The following G3BP1 variants were observed in gnomAD, a reference collection of about 807,000 sequenced individuals.
G3BP1 encodes the protein G3BP stress granule assembly factor 1.
Under a neutral mutation model 58.6 loss-of-function variants are expected in G3BP1, and 35 were observed. That is an observed-to-expected ratio of 0.60 (90% CI 0.46 to 0.79). The LOEUF is 0.79. Ranked by LOEUF, G3BP1 falls within the 30% of genes least tolerant of loss-of-function variation. G3BP1 has a pLI of 0.00. For synonymous variants in G3BP1, 191 were observed against 195.4 expected (o/e 0.98, Z 0.19); for missense variants, 523 against 580.8 (o/e 0.90, Z 1.02).
At position 151,804,019 on chromosome 5, in the gene G3BP1, A is replaced by G; in HGVS notation, c.1329A>G (p.Arg443=). 3 of 1,613,280 alleles carry G rather than the reference A, an allele frequency of 1.9e-6. No homozygotes were observed. The highest frequency in any genetic ancestry group is 2.5e-6 in the Non-Finnish European group (3 of 1,179,660). The change falls in exon 12 of 12, where the codon AGA becomes AGG. Residue 443 remains arginine (R), a synonymous_variant. Coordinates refer to ENST00000356245, the MANE Select transcript of G3BP1 (RefSeq NM_005754.3). ...GPRGGLGGGM[R]GPPRGGMVQK... is the part of the protein sequence containing the mutation. Reference sequence around the variant, plus strand: ...GAGGTGGGCTGGGTGGTGGAATGAGAGGCCCTCCCCGTGGAGGCATGGTGC... The same window carrying G: ...GAGGTGGGCTGGGTGGTGGAATGAGGGGCCCTCCCCGTGGAGGCATGGTGC...
rs1429778385 is a variant in G3BP1 at position 151,806,035 on chromosome 5, C to T, written c.*1944C>T. ...CTTGGTGTTATCACATACTAGAGGA[C>T]ATTTGGAAATGTGTGAAATTTGGAA... On this transcript the variant is annotated 3_prime_UTR_variant, in exon 12 of 12. Transcript: ENST00000356245. 6.6e-6 allele frequency: 1 copy of T among 152,092 alleles called. No individual in the cohort carries two copies. Among genetic ancestry groups the T allele is most frequent in the Non-Finnish European group, 1.5e-5 (1 of 68,034 alleles). 9.4% of individuals were successfully genotyped at this position (152,092 alleles called of 1,614,324 possible).
intron 2 of G3BP1, among the ~76,000 whole-genome samples, chr5:151,788,842 A>G (rs931775002): frequency 2.0e-5 from 3 of 151,348 alleles, no homozygotes; most frequent in African/African-American, 7.3e-5. Flanking sequence ...CAGTGGCGCT[A>G]TCTCGGCTCA....
chr5:151,794,495 G>C (rs1318258516), intron 5 of G3BP1, among the ~76,000 whole-genome samples: 1 of 152,192 alleles, frequency 6.6e-6, no homozygotes, highest in Non-Finnish European at 1.5e-5. Context: ...AACTCACAGC[G>C]ACAGTAGTAG....
At chr5:151,792,000 T>C (rs1285162602) in intron 4 of G3BP1, 4 of 424,172 alleles carry the variant, frequency 9.4e-6, no homozygotes, top group Admixed American at 8.4e-5. Flanking sequence ...GGAGATTCTC[T>C]ATCTTTTTAT....
chr5:151,796,709 G>C (rs993606231), intron 6 of G3BP1, among the ~76,000 whole-genome samples: 1 of 152,004 alleles, frequency 6.6e-6, no homozygotes, highest in Non-Finnish European at 1.5e-5. Context: ...CATAAAATTT[G>C]CCATCTTAAC....
intron 2 of G3BP1, 51 bp from the exon 3 acceptor site, chr5:151,790,272 T>G: frequency 1.1e-6 from 1 of 943,714 alleles, no homozygotes; most frequent in East Asian, 2.8e-5. Flanking sequence ...ACGTGAAAAA[T>G]AAACTTAAGA....
chr5:151,795,539 A>T lies in G3BP1; in HGVS notation c.503A>T (p.Asp168Val). 1 of 1,607,002 alleles carries T rather than the reference A, an allele frequency of 6.2e-7. No individual in the cohort carries two copies. Among genetic ancestry groups the T allele is most frequent in the Non-Finnish European group, 8.5e-7 (1 of 1,173,878 alleles). Residue 168 changes from aspartate to valine, a missense_variant, in exon 6 of 12, where the codon GAT becomes GTT. Coordinates refer to ENST00000356245, the MANE Select transcript of G3BP1 (RefSeq NM_005754.3). ...ERQQTPEVVP[D>V]DSGTFYDQAV... is the part of the protein sequence containing the mutation. ...CAGCAAACACCTGAGGTGGTACCTGATGATTCTGGAACTTTCTATGATCAG... is the reference window on the plus strand; with the variant it reads ...CAGCAAACACCTGAGGTGGTACCTGTTGATTCTGGAACTTTCTATGATCAG...
chr5:151,785,442 T>TA (rs910562780), intron 1 of G3BP1, among the ~76,000 whole-genome samples: 41 of 151,706 alleles, frequency 2.7e-4, no homozygotes, highest in East Asian at 1.4e-3. Context: ...TACCCCTGTT[T>TA]AAAAAAAAAC....
chr5:151,788,697 T>A (rs940886020), intron 2 of G3BP1, among the ~76,000 whole-genome samples: 2 of 151,886 alleles, frequency 1.3e-5, no homozygotes, highest in Non-Finnish European at 2.9e-5. Flanking sequence ...CACTGCAGCC[T>A]CTGCCTCCCA....
chr5:151,804,000 G>A lies in G3BP1; in HGVS notation c.1310G>A (p.Gly437Glu). The A allele has an allele frequency of 6.2e-7, 1 of 1,613,786 alleles. No individual in the cohort carries two copies. Among genetic ancestry groups the A allele is most frequent in the Non-Finnish European group, 8.5e-7 (1 of 1,179,822 alleles). Residue 437 changes from glycine to glutamate, a missense_variant, in exon 12 of 12, where the codon GGG becomes GAG. By Grantham distance (98) the Gly-to-Glu change is moderately conservative (BLOSUM62 -2). Around this residue, in one of 2 missense-constraint regions of G3BP1, gnomAD observed 125 missense variants for 181.7 expected, o/e 0.69. Coordinates refer to ENST00000356245, the MANE Select transcript of G3BP1 (RefSeq NM_005754.3). ...RLRGPGGPRG[G>E]LGGGMRGPPR... ...CGGGGACCTGGAGGCCCTCGAGGTG[G>A]GCTGGGTGGTGGAATGAGAGGCCCT...
chr5:151,787,047 CG>C (rs1254381488), intron 2 of G3BP1: 3 of 152,356 alleles, frequency 2.0e-5, no homozygotes, highest in African/African-American at 7.7e-5. Flanking sequence ...TAAGTAGAGA[CG>C]GGGTTTCACC....
In G3BP1 at chr5:151,795,501, A is replaced by C. The variant is rs1442653715; in HGVS notation, c.465A>C (p.Glu155Asp). Residue 155 changes from glutamate (E) to aspartate (D), a missense_variant, in exon 6 of 12, where the codon GAA becomes GAC. Physicochemically the swap from Glu to Asp is conservative, Grantham distance 45 (BLOSUM62 2). This residue lies in a region of G3BP1 where 398 missense variants were observed against 399.1 expected (regional missense o/e 1.00). Coordinates refer to ENST00000356245, the MANE Select transcript of G3BP1 (RefSeq NM_005754.3). Reference sequence around the variant, plus strand: ...TAGAGTCTGAAGAAGAAGTAGAGGAACCTGAAGAAAGACAGCAAACACCTG... The same window carrying C: ...TAGAGTCTGAAGAAGAAGTAGAGGACCCTGAAGAAAGACAGCAAACACCTG... ...PQEESEEEVE[E>D]PEERQQTPEV... The C allele has an allele frequency of 1.3e-6, 2 of 1,593,210 alleles. No homozygotes were observed. Among genetic ancestry groups the C allele is most frequent in the East Asian group, 4.5e-5 (2 of 44,764 alleles).
intron 1 of G3BP1, among the ~76,000 whole-genome samples, chr5:151,782,397 T>C (rs537119500): frequency 2.0e-5 from 3 of 152,234 alleles, no homozygotes; most frequent in Non-Finnish European, 4.4e-5. Flanking sequence ...ATTTTACTCA[T>C]GTTAAAGGTA....
In G3BP1 at chr5:151,810,762, A is replaced by C. The variant is rs1763007435; in HGVS notation, c.*6671A>C. 1 of 152,024 alleles carries C rather than the reference A, an allele frequency of 6.6e-6. No homozygotes were observed. Among genetic ancestry groups the C allele is most frequent in the Admixed American group, 6.6e-5 (1 of 15,254 alleles). 9.4% of individuals were successfully genotyped at this position (152,024 alleles called of 1,614,324 possible). ...CATTCCCAAGGGAGGCCATGTCTGG[A>C]GATAGACCTTGAATTTAATAAATTT... On this transcript the variant is annotated 3_prime_UTR_variant, in exon 12 of 12. Transcript: ENST00000356245.
At chr5:151,792,061 T>C in intron 4 of G3BP1, 2 of 456,266 alleles carry the variant, frequency 4.4e-6, no homozygotes, top group Non-Finnish European at 8.8e-6. Flanking sequence ...CTTGCACTGT[T>C]CCTGGCCCAG....
intron 1 of G3BP1, among the ~76,000 whole-genome samples, chr5:151,783,614 C>G (rs899289582): frequency 1.1e-4 from 17 of 152,110 alleles, no homozygotes; most frequent in African/African-American, 4.1e-4. Context: ...TCATCTCAAA[C>G]TCCTGGCCTC....
intron 4 of G3BP1, among the ~76,000 whole-genome samples, chr5:151,793,532 G>T (rs1015668024): frequency 1.3e-5 from 2 of 152,202 alleles, no homozygotes; most frequent in African/African-American, 4.8e-5. Flanking sequence ...CAAAATGTAT[G>T]TGAGTGTAGT....
intron 1 of G3BP1, among the ~76,000 whole-genome samples, chr5:151,776,235 T>C (rs1762367532): frequency 6.6e-6 from 1 of 152,214 alleles, no homozygotes; most frequent in African/African-American, 2.4e-5. Flanking sequence ...AAATTACCCT[T>C]ATCACATCAG....
At chr5:151,780,249 T>A (rs1231683847) in intron 1 of G3BP1, among the ~76,000 whole-genome samples, 2 of 152,232 alleles carry the variant, frequency 1.3e-5, no homozygotes, top group East Asian at 3.8e-4. Context: ...AATTGGCTGC[T>A]CCATTTCATT....
Sources: allele counts gnomAD v4.1 joint callset (sites outside exome capture counted in the v4.1 genomes callset), GRCh38; gene constraint gnomAD v4.1.1; regional missense constraint gnomAD v4.1.1; transcripts MANE v1.5; gene names NCBI Gene and HGNC (gene_info 2026-07-23, HGNC 2026-07-21).